The following ADAMTSL1 variants were observed in gnomAD, a reference collection of about 807,000 sequenced individuals.
ADAMTSL1 encodes the protein ADAMTS like 1.
Under a neutral mutation model 201.8 loss-of-function variants are expected in ADAMTSL1, and 126 were observed. The ratio of observed to expected loss-of-function variants is 0.62; its 90% confidence interval spans 0.54 to 0.72. ADAMTSL1 has a LOEUF of 0.72. Among genes scored for constraint, ADAMTSL1 ranks in the 30% least tolerant of loss-of-function variants. The pLI, the probability that ADAMTSL1 is intolerant of heterozygous loss-of-function variation, is 0.00. For synonymous variants in ADAMTSL1, 1,121 were observed against 903.4 expected (o/e 1.24, Z -4.32); for missense variants, 2,679 against 2,277.8 (o/e 1.18, Z -3.59).
At chr9:18,586,493 A>G (rs1823498006) in intron 4 of ADAMTSL1, among the ~76,000 whole-genome samples, 1 of 152,216 alleles carries the variant, frequency 6.6e-6, no homozygotes, top group Admixed American at 6.5e-5. Flanking sequence ...AGGAAGAATC[A>G]GTATCATTGA....
intron 5 of ADAMTSL1, among the ~76,000 whole-genome samples, chr9:18,623,314 G>A (rs894634750): frequency 1.3e-5 from 2 of 151,844 alleles, no homozygotes; most frequent in African/African-American, 2.4e-5. Context: ...CCATGTAATT[G>A]TTATAACAAC....
At chr9:18,763,315 G>T (rs1380170917) in intron 16 of ADAMTSL1, among the ~76,000 whole-genome samples, 1 of 152,168 alleles carries the variant, frequency 6.6e-6, no homozygotes, top group Admixed American at 6.5e-5. Context: ...TTTGAGAGAT[G>T]TCTAGTCAGA....
chr9:18,518,573 A>G (rs186180156), intron 2 of ADAMTSL1, among the ~76,000 whole-genome samples: 124 of 152,190 alleles, frequency 8.1e-4, no homozygotes, highest in Non-Finnish European at 1.2e-3. Flanking sequence ...GGCTGATTCT[A>G]TGACTTTGCT....
intron 3 of ADAMTSL1, among the ~76,000 whole-genome samples, chr9:18,568,715 C>A (rs1822098032): frequency 7.3e-6 from 1 of 137,110 alleles, no homozygotes; most frequent in African/African-American, 2.7e-5. Flanking sequence ...AAAATTAAGT[C>A]AGAAGCATGG....
intron 2 of ADAMTSL1, among the ~76,000 whole-genome samples, chr9:18,279,591 C>A (rs1832707598): frequency 6.6e-6 from 1 of 150,822 alleles, no homozygotes; most frequent in Non-Finnish European, 1.5e-5. Context: ...AAACATGACA[C>A]CACCAAAGTG....
At chr9:18,712,375 T>A (rs1424229290) in intron 14 of ADAMTSL1, among the ~76,000 whole-genome samples, 3 of 151,754 alleles carry the variant, frequency 2.0e-5, no homozygotes, top group African/African-American at 7.3e-5. Flanking sequence ...AATGTATAAC[T>A]AGAATAACCA....
chr9:18,552,489 T>C (rs1020169866), intron 3 of ADAMTSL1, among the ~76,000 whole-genome samples: 1 of 151,850 alleles, frequency 6.6e-6, no homozygotes, highest in African/African-American at 2.4e-5. Context: ...TGATGACCTG[T>C]TATCCACACT....
At chr9:18,192,002 C>G (rs1045106059) in intron 2 of ADAMTSL1, among the ~76,000 whole-genome samples, 12 of 152,138 alleles carry the variant, frequency 7.9e-5, no homozygotes, top group African/African-American at 2.7e-4. Context: ...ATGAAATACA[C>G]TGGGTATGAT....
chr9:18,403,291 C>G (rs1053992907), intron 2 of ADAMTSL1, among the ~76,000 whole-genome samples: 2 of 151,942 alleles, frequency 1.3e-5, no homozygotes, highest in Non-Finnish European at 2.9e-5. Context: ...TTAAGTGATT[C>G]TCTTGCCTCA....
chr9:18,283,839 G>A (rs556409012), intron 2 of ADAMTSL1, among the ~76,000 whole-genome samples: 1 of 147,986 alleles, frequency 6.8e-6, no homozygotes, highest in Admixed American at 6.8e-5. Flanking sequence ...ATGAACCCAG[G>A]AGGCGGAGCT....
chr9:18,070,979 C>T (rs1166324341), intron 1 of ADAMTSL1, among the ~76,000 whole-genome samples: 1 of 152,172 alleles, frequency 6.6e-6, no homozygotes, highest in African/African-American at 2.4e-5. Flanking sequence ...CATGCTTGAA[C>T]TGTAGACTCA....
intron 13 of ADAMTSL1, among the ~76,000 whole-genome samples, chr9:18,704,488 A>G (rs1832117426): frequency 6.6e-6 from 1 of 152,212 alleles, no homozygotes; most frequent in East Asian, 1.9e-4. Context: ...ATTATTCATC[A>G]CACCATTGTC....
intron 10 of ADAMTSL1, 85 bp downstream of exon 10, chr9:18,675,992 T>TAG: frequency 8.1e-7 from 1 of 1,235,682 alleles, no homozygotes; most frequent in South Asian, 1.2e-5. Flanking sequence ...TACATATACA[T>TAG]AGAGAGAGAG....
intron 23 of ADAMTSL1, among the ~76,000 whole-genome samples, chr9:18,845,216 A>C (rs1228094988): frequency 6.6e-6 from 1 of 152,228 alleles, no homozygotes; most frequent in South Asian, 2.1e-4. Flanking sequence ...CTTAGTGAGC[A>C]AGCTCCCATG....
intron 3 of ADAMTSL1, among the ~76,000 whole-genome samples, chr9:18,552,379 G>A (rs1400734116): frequency 1.3e-5 from 2 of 151,512 alleles, no homozygotes; most frequent in African/African-American, 2.4e-5. Flanking sequence ...AAATACATGG[G>A]GCATTTACAT....
intron 2 of ADAMTSL1, among the ~76,000 whole-genome samples, chr9:18,264,040 T>C (rs1024996547): frequency 1.3e-5 from 2 of 152,206 alleles, no homozygotes; most frequent in Admixed American, 1.3e-4. Context: ...ATGCAACCTC[T>C]TTAAAAGAGA....
chr9:17,913,534 A>C (rs2131272578), intron 1 of ADAMTSL1, among the ~76,000 whole-genome samples: 1 of 152,300 alleles, frequency 6.6e-6, no homozygotes, highest in South Asian at 2.1e-4. Context: ...GTGTAGAGGG[A>C]AATTTATAGC....
intron 1 of ADAMTSL1, among the ~76,000 whole-genome samples, chr9:18,070,152 A>G (rs1822895565): frequency 6.6e-6 from 1 of 152,214 alleles, no homozygotes; most frequent in African/African-American, 2.4e-5. Context: ...AGAGGACTGA[A>G]TTCTAAGAAA....
intron 2 of ADAMTSL1, among the ~76,000 whole-genome samples, chr9:18,461,356 T>G (rs1212256803): frequency 2.0e-5 from 3 of 152,170 alleles, no homozygotes; most frequent in Admixed American, 6.6e-5. Context: ...ATGTAATTTT[T>G]TTAACATTTA....
Sources: gnomAD v4.1 joint callset for allele counts (sites outside exome capture counted in the v4.1 genomes callset) on GRCh38, gnomAD v4.1.1 for gene constraint, MANE v1.5 for transcripts, NCBI Gene and HGNC (gene_info 2026-07-23, HGNC 2026-07-21) for gene names.